PCDH11X: variants seen among roughly 807,000 people sequenced by gnomAD.
The protein encoded by PCDH11X is protocadherin-11 X-linked.
In PCDH11X, 18 loss-of-function variants were observed where a neutral mutation model predicts 53.3. The ratio of observed to expected loss-of-function variants is 0.34; its 90% confidence interval spans 0.23 to 0.50. The LOEUF is 0.50. Among genes scored for constraint, PCDH11X ranks in the 20% least tolerant of loss-of-function variants. The pLI is 0.98. For synonymous variants in PCDH11X, 279 were observed against 393.3 expected (o/e 0.71, Z 3.44); for missense variants, 570 against 1,032.4 (o/e 0.55, Z 6.14).
Position 92,620,165 on chromosome X carries a change from C to T in PCDH11X, c.*1225C>T, listed in dbSNP as rs1246983249. 1.8e-5 allele frequency: 2 copies of T among 110,716 alleles called. No individual in the cohort carries two copies. The highest frequency in any genetic ancestry group is 1.9e-4 in the Admixed American group (2 of 10,327). 9.1% of individuals were successfully genotyped at this position (110,716 alleles called of 1,213,427 possible). ...AAAATGCAGAGGGAGAAATAAGGCA[C>T]ATGACTGCTTCTTGCAGTCAACAAG... On this transcript the variant is annotated 3_prime_UTR_variant, in exon 11 of 11. Transcript: ENST00000682573.
At chrX:92,094,177 A>G (rs777607992) in intron 6 of PCDH11X, among the ~76,000 whole-genome samples, 64 of 103,482 alleles carry the variant, frequency 6.2e-4, no homozygotes, top group South Asian at 1.3e-3. Flanking sequence ...GTGTGTGTGT[A>G]TATATATATA....
At chrX:91,786,726 C>T (rs1378836779) in intron 1 of PCDH11X, among the ~76,000 whole-genome samples, 2 of 95,869 alleles carry the variant, frequency 2.1e-5, no homozygotes, top group Non-Finnish European at 4.2e-5. Flanking sequence ...CTGAAGTTCC[C>T]GCTGATGAAA....
intron 6 of PCDH11X, among the ~76,000 whole-genome samples, chrX:92,147,833 T>TTC (rs1247167350): frequency 3.3e-5 from 3 of 91,919 alleles, no homozygotes; most frequent in Non-Finnish European, 6.0e-5. Flanking sequence ...CTTTCTTTCT[T>TTC]TCTTTCTTTC....
At chrX:92,377,685 C>T (rs1421213930) in intron 8 of PCDH11X, among the ~76,000 whole-genome samples, 1 of 100,081 alleles carries the variant, frequency 1.0e-5, no homozygotes, top group African/African-American at 3.6e-5. Context: ...CCCCATCCCA[C>T]GTTTTTTCAT....
At chrX:91,908,804 CAA>C (rs202059670) in intron 6 of PCDH11X, among the ~76,000 whole-genome samples, 28,856 of 79,336 alleles carry the variant, frequency 0.36, 4,299 homozygotes, top group East Asian at 0.62. Flanking sequence ...GACTCTGTCT[CAA>C]AAAAAAAAAA....
chrX:92,440,369 C>T (rs998134903), intron 9 of PCDH11X, among the ~76,000 whole-genome samples: 3 of 108,144 alleles, frequency 2.8e-5, no homozygotes, highest in African/African-American at 1.0e-4. Context: ...TTCATGAGTG[C>T]CCAATGTTTA....
At chrX:92,460,035 A>C in intron 9 of PCDH11X, 1 of 973,395 alleles carries the variant, frequency 1.0e-6, no homozygotes, top group South Asian at 1.9e-5. Context: ...CCCAGGTCAA[A>C]GACTGGAGCC....
chrX:92,030,248 A>T (rs759385018), intron 6 of PCDH11X, among the ~76,000 whole-genome samples: 1 of 112,078 alleles, frequency 8.9e-6, no homozygotes, highest in South Asian at 3.7e-4. Flanking sequence ...TGTGTGAGCC[A>T]TCGCGCCTGG....
At chrX:92,575,978 GTATATATATATATATATATATA>G (rs1173562560) in intron 10 of PCDH11X, among the ~76,000 whole-genome samples, 6 of 18,454 alleles carry the variant, frequency 3.3e-4, no homozygotes, top group African/African-American at 2.0e-3. Context: ...CACCTGGGGT[GTATATATATATATATATATATA>G]TATATATATA....
chrX:92,576,355 A>G (rs1337093748), intron 10 of PCDH11X, among the ~76,000 whole-genome samples: 2 of 88,010 alleles, frequency 2.3e-5, no homozygotes, highest in African/African-American at 4.2e-5. Context: ...TTTTCAATCC[A>G]TTAAGCCATT....
intron 6 of PCDH11X, among the ~76,000 whole-genome samples, chrX:92,074,742 AT>A (rs1259588188): frequency 8.9e-6 from 1 of 112,245 alleles, no homozygotes; most frequent in Non-Finnish European, 1.9e-5. Flanking sequence ...CACTTTGAGA[AT>A]TTTTCTTACC....
At chrX:91,828,256 A>G (rs1371988967) in intron 4 of PCDH11X, among the ~76,000 whole-genome samples, 1 of 108,705 alleles carries the variant, frequency 9.2e-6, no homozygotes, top group Non-Finnish European at 1.9e-5. Flanking sequence ...CATAGCTGGG[A>G]CTACAGGCGC....
intron 10 of PCDH11X, among the ~76,000 whole-genome samples, chrX:92,514,052 CTTT>C (rs2074211320): frequency 8.9e-6 from 1 of 112,136 alleles, no homozygotes; most frequent in Non-Finnish European, 1.9e-5. Context: ...TACTCCATTA[CTTT>C]TTATGGTGGA....
chrX:92,492,299 A>G, intron 10 of PCDH11X, among the ~76,000 whole-genome samples: 1 of 111,914 alleles, frequency 8.9e-6, no homozygotes, highest in Non-Finnish European at 1.9e-5. Context: ...CTTTGATGTA[A>G]CCCACATTAT....
intron 8 of PCDH11X, among the ~76,000 whole-genome samples, chrX:92,293,252 C>T (rs2068527292): frequency 9.0e-6 from 1 of 110,933 alleles, no homozygotes; most frequent in Admixed American, 9.6e-5. Context: ...TCCAGTGTGA[C>T]TAAAAGTAAA....
At chrX:92,156,653 A>G (rs928214989) in intron 6 of PCDH11X, among the ~76,000 whole-genome samples, 41 of 112,259 alleles carry the variant, frequency 3.7e-4, no homozygotes, top group Non-Finnish European at 7.5e-5. Context: ...TAGGCACTCA[A>G]TAAATGAATG....
At chrX:91,922,649 C>T (rs1409714769) in intron 6 of PCDH11X, among the ~76,000 whole-genome samples, 2 of 112,159 alleles carry the variant, frequency 1.8e-5, no homozygotes, top group Admixed American at 1.9e-4. Flanking sequence ...ACTGTGCATG[C>T]GAGGGATCTA....
intron 6 of PCDH11X, among the ~76,000 whole-genome samples, chrX:91,929,202 A>G (rs1365091823): frequency 9.0e-6 from 1 of 111,296 alleles, no homozygotes; most frequent in Non-Finnish European, 1.9e-5. Context: ...TCATATGTCT[A>G]GCAAAATTAT....
intron 8 of PCDH11X, among the ~76,000 whole-genome samples, chrX:92,365,653 G>A (rs1368661116): frequency 8.9e-6 from 1 of 111,924 alleles, no homozygotes; most frequent in African/African-American, 3.3e-5. Flanking sequence ...TTTGAGATAT[G>A]TTCAATCAAT....
Sources: allele counts gnomAD v4.1 joint callset (sites outside exome capture counted in the v4.1 genomes callset), GRCh38; gene constraint gnomAD v4.1.1; transcripts MANE v1.5; gene names NCBI Gene and HGNC (gene_info 2026-07-23, HGNC 2026-07-21).